MMP24: variants seen among roughly 807,000 people sequenced by gnomAD.
The protein encoded by MMP24 is matrix metalloproteinase-24.
In MMP24, 25 loss-of-function variants were observed where a neutral mutation model predicts 62.8. The observed-to-expected ratio is 0.40, with a 90% confidence interval of 0.29 to 0.56. The LOEUF is 0.56. Ranked by LOEUF, MMP24 falls within the 20% of genes least tolerant of loss-of-function variation. The probability of loss-of-function intolerance (pLI) is 0.50; values close to 1 mark genes in which losing one functional copy is unlikely to be tolerated. For missense variants in MMP24, 634 were observed against 853.6 expected, an observed-to-expected ratio of 0.74 and a Z score of 3.21; for synonymous variants, 319 against 350.5, an observed-to-expected ratio of 0.91 and a Z score of 1.00.
chr20:35,262,689 G>A (rs954195338), intron 4 of MMP24: 2 of 146,198 alleles, frequency 1.4e-5, no homozygotes, highest in Admixed American at 1.3e-4. Context: ...GTCGGGCTGG[G>A]GGACAGTCAG....
chr20:35,262,022 G>A (rs746741552), intron 4 of MMP24, among the ~76,000 whole-genome samples: 7 of 151,900 alleles, frequency 4.6e-5, no homozygotes, highest in Non-Finnish European at 8.8e-5. Context: ...AGCTGGTCTC[G>A]AACTCCTGAC....
At position 35,276,000 on chromosome 20, in the gene MMP24, A is replaced by G; in HGVS notation, c.*1391A>G. 1 of 398,594 alleles carries G rather than the reference A, an allele frequency of 2.5e-6. No homozygotes were observed. The highest frequency in any genetic ancestry group is 3.6e-5 in the East Asian group (1 of 28,070). The allele number at this position is 398,594 out of a possible 1,614,324, so 24.7% of individuals were successfully genotyped here. ...CACTGAGGAGCCCTAGACAAGGCCAATGGGTTCATCAATGCCCACTGGCTC... is the reference window on the plus strand; with the variant it reads ...CACTGAGGAGCCCTAGACAAGGCCAGTGGGTTCATCAATGCCCACTGGCTC... On this transcript the variant is annotated 3_prime_UTR_variant, in exon 9 of 9. Coordinates refer to ENST00000246186, the MANE Select transcript of MMP24 (RefSeq NM_006690.4).
At chr20:35,262,600 A>C (rs902405273) in intron 4 of MMP24, 5 of 148,494 alleles carry the variant, frequency 3.4e-5, no homozygotes, top group Non-Finnish European at 7.4e-5. Flanking sequence ...CAGGAGACAG[A>C]TGCCTTCCTC....
In MMP24 at chr20:35,233,745, C is replaced by T. The variant is rs376479908; in HGVS notation, c.246+6761C>T. ...GAACAATATTATAAACTCCCTTGGACGCAGCACCCACAAGGATCACTTGAG... is the reference window on the plus strand; with the variant it reads ...GAACAATATTATAAACTCCCTTGGATGCAGCACCCACAAGGATCACTTGAG... On this transcript the variant is annotated intron_variant, in intron 1 of 8. Coordinates refer to ENST00000246186, the MANE Select transcript of MMP24 (RefSeq NM_006690.4). Among the ~76,000 whole-genome samples, 317 of 152,170 alleles carry T rather than the reference C, an allele frequency of 2.1e-3. 8 individuals are homozygous for T. The South Asian group carries it at 0.053, about 25-fold the overall frequency.
At chr20:35,272,108 T>A in intron 8 of MMP24, 1 of 544,088 alleles carries the variant, frequency 1.8e-6, no homozygotes, top group Non-Finnish European at 3.2e-6. Context: ...CAAACACTTA[T>A]CCTCAGTGTA....
At chr20:35,251,157 T>C (rs143614240) in intron 2 of MMP24, among the ~76,000 whole-genome samples, 3 of 150,996 alleles carry the variant, frequency 2.0e-5, no homozygotes, top group African/African-American at 7.4e-5. Flanking sequence ...TCACTCTTCT[T>C]GCCCAGGCTG....
chr20:35,245,167 T>G (rs770789723), intron 1 of MMP24, among the ~76,000 whole-genome samples: 14 of 152,076 alleles, frequency 9.2e-5, no homozygotes, highest in Non-Finnish European at 1.8e-4. Context: ...GCTAGGACCA[T>G]GGGTGCACAC....
chr20:35,233,741 T>G (rs1326103172), intron 1 of MMP24, among the ~76,000 whole-genome samples: 5 of 152,140 alleles, frequency 3.3e-5, no homozygotes, highest in African/African-American at 1.2e-4. Context: ...TAAACTCCCT[T>G]GGACGCAGCA....
intron 5 of MMP24, among the ~76,000 whole-genome samples, chr20:35,264,692 G>C (rs1399047263): frequency 7.7e-6 from 1 of 130,010 alleles, no homozygotes. Context: ...TGGGCAACAG[G>C]GCGAGACTCC....
chr20:35,272,673 GCAGAGTGGGCCTC>G (rs1166968702), intron 8 of MMP24, among the ~76,000 whole-genome samples: 1 of 152,210 alleles, frequency 6.6e-6, no homozygotes, highest in Non-Finnish European at 1.5e-5. Context: ...CTGGCCAGAT[GCAGAGTGGGCCTC>G]CAGGAGTGTT....
chr20:35,271,965 C>G lies in MMP24; in HGVS notation c.1600+130C>G. 1.0e-6 allele frequency: 1 copy of G among 992,764 alleles called. No homozygotes were observed. The highest frequency in any genetic ancestry group is 1.7e-5 in the South Asian group (1 of 58,572). 61.5% of individuals were successfully genotyped at this position (992,764 alleles called of 1,614,324 possible). A position where few individuals can be genotyped will look rare whatever the true frequency, so the allele number is the denominator to read the frequency against. On this transcript the variant is annotated intron_variant, in intron 8 of 8. Transcript: ENST00000246186. This position sits in a 1 kb window ranked among gnomAD's most constrained non-coding sequence, Gnocchi z 4.0. ...AACACCTGGTGGCAGACAACTGCCT[C>G]ATATCTACCCATGTTCACGTGGTCC...
intron 8 of MMP24, chr20:35,272,086 G>A (rs886621724): frequency 5.3e-6 from 3 of 570,422 alleles, no homozygotes; most frequent in South Asian, 4.8e-5. Flanking sequence ...CATTCCTTCA[G>A]ACAGCATTTC....
intron 1 of MMP24, among the ~76,000 whole-genome samples, chr20:35,228,678 C>T (rs1162961209): frequency 3.3e-5 from 5 of 152,180 alleles, no homozygotes; most frequent in African/African-American, 1.2e-4. Context: ...TACAATATTT[C>T]AAGCATTAAG....
intron 2 of MMP24, among the ~76,000 whole-genome samples, chr20:35,251,410 C>T (rs551300194): frequency 6.6e-6 from 1 of 152,292 alleles, no homozygotes; most frequent in South Asian, 2.1e-4. Context: ...CAGGCGTGAG[C>T]CACCGTGCCC....
chr20:35,234,888 C>T (rs943865149), intron 1 of MMP24, among the ~76,000 whole-genome samples: 19 of 151,986 alleles, frequency 1.3e-4, no homozygotes, highest in African/African-American at 4.4e-4. Flanking sequence ...GCCTGAGCGA[C>T]AGAGCAGAAC....
chr20:35,233,755 A>G (rs1381642335), intron 1 of MMP24, among the ~76,000 whole-genome samples: 2 of 152,310 alleles, frequency 1.3e-5, no homozygotes, highest in South Asian at 2.1e-4. Flanking sequence ...CGCAGCACCC[A>G]CAAGGATCAC....
intron 5 of MMP24, 125 bp downstream of exon 5, chr20:35,264,077 T>C: frequency 2.7e-6 from 3 of 1,101,558 alleles, no homozygotes; most frequent in South Asian, 3.6e-5. Flanking sequence ...TGTTTCTCTG[T>C]GTGTGACCTT....
chr20:35,239,999 A>G (rs2060481671), intron 1 of MMP24, among the ~76,000 whole-genome samples: 1 of 152,148 alleles, frequency 6.6e-6, no homozygotes, highest in Admixed American at 6.5e-5. Context: ...TGTGAGGTAT[A>G]GGAAGTCCTG....
Position 35,269,852 on chromosome 20 carries a change from C to T in MMP24, c.1287C>T (p.Ile429=), listed in dbSNP as rs111895945. Residue 429 remains isoleucine (I), a synonymous_variant, in exon 7 of 9, where the codon ATC becomes ATT. Transcript: ENST00000246186. This position sits in a 1 kb window ranked among gnomAD's most constrained non-coding sequence, Gnocchi z 4.6. ...TCTGGAAGGGCCTGCCTGCCCGCATCGACGCAGCCTATGAAAGGGCCGATG... is the reference window on the plus strand; with the variant it reads ...TCTGGAAGGGCCTGCCTGCCCGCATTGACGCAGCCTATGAAAGGGCCGATG... The part of the protein sequence containing the change: ...EQFWKGLPAR[I]DAAYERADGR... 5.7e-4 allele frequency: 889 copies of T among 1,553,810 alleles called. 11 individuals carry two copies. The Middle Eastern group carries it at 0.013, about 23-fold the overall frequency.
Sources: allele counts gnomAD v4.1 joint callset (sites outside exome capture counted in the v4.1 genomes callset), GRCh38; gene constraint gnomAD v4.1.1; non-coding constraint Gnocchi (gnomAD v3.1); transcripts MANE v1.5; gene names NCBI Gene and HGNC (gene_info 2026-07-23, HGNC 2026-07-21).